Variants in HTR2C observed in about 807,000 individuals in gnomAD.
The protein encoded by HTR2C is 5-hydroxytryptamine (serotonin) receptor 2C, G protein-coupled.
In HTR2C, 5 loss-of-function variants were observed where a neutral mutation model predicts 21.0. The observed-to-expected ratio is 0.24, with a 90% CI of 0.12 to 0.50. The LOEUF (loss-of-function observed/expected upper bound fraction) is 0.50. HTR2C is among the 20% of genes least tolerant of loss of function. The pLI, the probability that HTR2C is intolerant of heterozygous loss-of-function variation, is 0.98. For missense variants in HTR2C, 271 were observed against 371.2 expected (o/e 0.73, Z 2.22); for synonymous variants, 150 against 145.3 (o/e 1.03, Z -0.23).
chrX:114,792,574 T>G (rs1307987238), intron 4 of HTR2C, among the ~76,000 whole-genome samples: 1 of 111,990 alleles, frequency 8.9e-6, no homozygotes. Context: ...AGTGCTGCAA[T>G]AAACATACGT....
intron 4 of HTR2C, among the ~76,000 whole-genome samples, chrX:114,847,202 C>T (rs1556467792): frequency 9.2e-6 from 1 of 109,174 alleles, no homozygotes; most frequent in East Asian, 2.9e-4. Context: ...TAGTTAAATC[C>T]ATAGACTGGA....
At chrX:114,720,305 T>C (rs1167125359) in intron 2 of HTR2C, among the ~76,000 whole-genome samples, 1 of 110,902 alleles carries the variant, frequency 9.0e-6, no homozygotes, top group African/African-American at 3.3e-5. Context: ...GTAGCACTGA[T>C]AGAACTGATA....
intron 4 of HTR2C, among the ~76,000 whole-genome samples, chrX:114,740,915 T>G (rs2069638599): frequency 9.0e-6 from 1 of 111,002 alleles, no homozygotes; most frequent in Non-Finnish European, 1.9e-5. Flanking sequence ...CCAAAGACAA[T>G]AGAAGCCAGA....
At chrX:114,626,874 A>G (rs1556402983) in intron 2 of HTR2C, among the ~76,000 whole-genome samples, 1 of 112,076 alleles carries the variant, frequency 8.9e-6, no homozygotes, top group African/African-American at 3.2e-5. Context: ...GAGCAAGAGA[A>G]GGATAGCAAG....
intron 2 of HTR2C, among the ~76,000 whole-genome samples, chrX:114,630,303 A>C (rs1222953393): frequency 8.9e-6 from 1 of 112,290 alleles, no homozygotes; most frequent in East Asian, 2.8e-4. Flanking sequence ...AGAATTATTA[A>C]CTAAAAAAAA....
intron 5 of HTR2C, 106 bp downstream of exon 5, chrX:114,848,309 G>T (rs1000148768): frequency 2.1e-6 from 1 of 477,925 alleles, no homozygotes; most frequent in South Asian, 4.2e-5. Context: ...ATTTGCGTTT[G>T]ATCGGGTTCT....
chrX:114,807,029 C>CATATACACCATAT (rs1569496092), intron 4 of HTR2C, among the ~76,000 whole-genome samples: 2 of 35,417 alleles, frequency 5.6e-5, no homozygotes, highest in Non-Finnish European at 6.7e-5. Flanking sequence ...CCATATATAC[C>CATATACACCATAT]ATATACACCA....
intron 4 of HTR2C, among the ~76,000 whole-genome samples, chrX:114,747,500 C>T (rs188507047): frequency 4.5e-5 from 5 of 112,277 alleles, no homozygotes; most frequent in Non-Finnish European, 9.4e-5. Context: ...TCTACAAAGA[C>T]GCTCCTAGAA....
intron 5 of HTR2C, among the ~76,000 whole-genome samples, chrX:114,870,572 T>A (rs781957639): frequency 9.0e-6 from 1 of 110,944 alleles, no homozygotes; most frequent in Admixed American, 9.6e-5. Context: ...ACTGGGAGAC[T>A]TTTTTTTATC....
At chrX:114,786,907 T>C (rs868934424) in intron 4 of HTR2C, among the ~76,000 whole-genome samples, 4 of 111,583 alleles carry the variant, frequency 3.6e-5, no homozygotes, top group Middle Eastern at 4.6e-3. Flanking sequence ...TTGTTTTGTT[T>C]TGTTTTTTGC....
At chrX:114,700,735 G>A (rs934659781) in intron 2 of HTR2C, among the ~76,000 whole-genome samples, 28 of 112,446 alleles carry the variant, frequency 2.5e-4, no homozygotes, top group African/African-American at 3.2e-4. Flanking sequence ...CGCACTGTGC[G>A]CGAGCCGAAG....
intron 5 of HTR2C, 71 bp downstream of exon 5, chrX:114,848,274 C>A: frequency 1.4e-6 from 1 of 718,946 alleles, no homozygotes; most frequent in Non-Finnish European, 2.1e-6. Flanking sequence ...GTACTGTGAA[C>A]AACGTACAGA....
chrX:114,805,858 A>ATG (rs2070413590), intron 4 of HTR2C, among the ~76,000 whole-genome samples: 2 of 88,930 alleles, frequency 2.2e-5, no homozygotes, highest in African/African-American at 9.2e-5. Context: ...TATATACCAT[A>ATG]TATATACCAT....
At chrX:114,698,627 T>C (rs1932361507) in intron 2 of HTR2C, among the ~76,000 whole-genome samples, 1 of 112,509 alleles carries the variant, frequency 8.9e-6, no homozygotes, top group Admixed American at 9.4e-5. Flanking sequence ...GCATTTTGTT[T>C]TGTTTTAACC....
chrX:114,744,640 G>A (rs1170142838), intron 4 of HTR2C, among the ~76,000 whole-genome samples: 1 of 109,780 alleles, frequency 9.1e-6, no homozygotes, highest in South Asian at 4.0e-4. Flanking sequence ...TTTTAGTAGA[G>A]ACGGAGTTTC....
At chrX:114,768,100 G>A (rs1297063322) in intron 4 of HTR2C, among the ~76,000 whole-genome samples, 2 of 111,292 alleles carry the variant, frequency 1.8e-5, no homozygotes, top group African/African-American at 6.5e-5. Context: ...ATAGCCTTTA[G>A]CATTAATTCT....
chrX:114,645,969 C>T (rs782586893), intron 2 of HTR2C, among the ~76,000 whole-genome samples: 2 of 111,344 alleles, frequency 1.8e-5, no homozygotes, highest in South Asian at 7.4e-4. Context: ...ATGAGATTGC[C>T]TCTTTTCTAT....
At chrX:114,776,340 C>T (rs2070056867) in intron 4 of HTR2C, 1 of 727,831 alleles carries the variant, frequency 1.4e-6, no homozygotes, top group Non-Finnish European at 2.2e-6. Flanking sequence ...TAAGCTGGCA[C>T]TGTGACCACA....
Position 114,848,866 on chromosome X carries a change from A to G in HTR2C, c.550+663A>G, listed in dbSNP as rs188895677. Among the ~76,000 whole-genome samples, 72 of 111,763 alleles carry G rather than the reference A, an allele frequency of 6.4e-4. 2 individuals are homozygous for G. Among genetic ancestry groups the G allele is most frequent in the East Asian group, 5.6e-3 (20 of 3,543 alleles). On this transcript the variant is annotated intron_variant, in intron 5 of 5. Coordinates refer to ENST00000276198, the MANE Select transcript of HTR2C (RefSeq NM_000868.4). ...TTGAGGTATTCATAAATGCCTTAAC[A>G]GTGCTAATATTAAAGCCAAGAAATT...
Sources: allele counts gnomAD v4.1 joint callset (sites outside exome capture counted in the v4.1 genomes callset), GRCh38; gene constraint gnomAD v4.1.1; transcripts MANE v1.5; gene names NCBI Gene and HGNC (gene_info 2026-07-23, HGNC 2026-07-21).